Variants in ARHGAP21 observed in about 807,000 individuals in gnomAD.
The protein encoded by ARHGAP21 is rho GTPase-activating protein 21.
In ARHGAP21, 38 loss-of-function variants were observed where a neutral mutation model predicts 164.6. That is an observed-to-expected ratio of 0.23 (90% CI 0.18 to 0.30). The LOEUF (loss-of-function observed/expected upper bound fraction) is 0.30. Among genes scored for constraint, ARHGAP21 ranks in the 10% least tolerant of loss-of-function variants. The probability of loss-of-function intolerance (pLI) is 1.00; values close to 1 mark genes in which losing one functional copy is unlikely to be tolerated. For synonymous variants in ARHGAP21, 766 were observed against 857.9 expected (o/e 0.89, Z 1.87); for missense variants, 1,822 against 2,370.7 (o/e 0.77, Z 4.81).
At chr10:24,685,650 C>A (rs574681958) in intron 2 of ARHGAP21, among the ~76,000 whole-genome samples, 1 of 151,532 alleles carries the variant, frequency 6.6e-6, no homozygotes, top group Non-Finnish European at 1.5e-5. Context: ...CCGAGGTGGG[C>A]GGATCACTTG....
chr10:24,634,962 A>G lies in ARHGAP21; in HGVS notation c.361+49T>C, dbSNP rs371226336. 1.1e-5 allele frequency: 15 copies of G among 1,328,852 alleles called. No homozygotes were observed. The African/African-American group carries it at 1.6e-4, about 15-fold the overall frequency. The allele number at this position is 1,328,852 out of a possible 1,614,324, so 82.3% of individuals were successfully genotyped here. A position where few individuals can be genotyped will look rare whatever the true frequency, so the allele number is the denominator to read the frequency against. On this transcript the variant is annotated intron_variant, in intron 5 of 25. Coordinates refer to ENST00000396432, the MANE Select transcript of ARHGAP21 (RefSeq NM_020824.4). Reference sequence around the variant, plus strand: ...ATCGAACATGAAATATGGAAGAAATAAAGTGAAAAAGAAATTAAAACGTAT... The same window carrying G: ...ATCGAACATGAAATATGGAAGAAATGAAGTGAAAAAGAAATTAAAACGTAT...
intron 4 of ARHGAP21, among the ~76,000 whole-genome samples, chr10:24,659,928 G>C (rs745624273): frequency 6.6e-6 from 1 of 152,164 alleles, no homozygotes; most frequent in African/African-American, 2.4e-5. Context: ...CTGAAATATG[G>C]CGGTGATAAT....
intron 16 of ARHGAP21, 138 bp from the exon 17 acceptor site, chr10:24,597,020 AAT>A (rs998096765): frequency 4.4e-6 from 4 of 901,066 alleles, no homozygotes; most frequent in South Asian, 2.2e-5. Context: ...ATTTAACAAA[AAT>A]ATGTTCTCTT....
At chr10:24,634,834 C>A (rs909951281) in intron 5 of ARHGAP21, among the ~76,000 whole-genome samples, 177 bp downstream of exon 5, 2 of 152,020 alleles carry the variant, frequency 1.3e-5, no homozygotes, top group Admixed American at 6.6e-5. Context: ...CTGTTCAAAC[C>A]CATTCATATG....
chr10:24,590,831 A>G (rs1158431707), intron 24 of ARHGAP21: 41 of 984,192 alleles, frequency 4.2e-5, no homozygotes, highest in Non-Finnish European at 4.6e-5. Flanking sequence ...CTCAAGAATA[A>G]GAACTACTTA....
chr10:24,711,986 TCAC>T (rs1216359392), intron 2 of ARHGAP21, among the ~76,000 whole-genome samples: 2 of 152,128 alleles, frequency 1.3e-5, no homozygotes, highest in East Asian at 3.9e-4. Context: ...CCATCTGGGC[TCAC>T]CACAACCTCC....
chr10:24,670,205 CTA>C lies in ARHGAP21; in HGVS notation c.243+11_243+12del, dbSNP rs1840574648. 2.0e-6 allele frequency: 3 copies of C among 1,535,194 alleles called. No individual in the cohort carries two copies. The highest frequency in any genetic ancestry group is 8.8e-7 in the Non-Finnish European group (1 of 1,136,254). On this transcript the variant is annotated intron_variant, in intron 3 of 25. Transcript: ENST00000396432. ...TGGTTTTTTTTTCAAGTTGCGGTAA[CTA>C]TTTCTCTTACCTTATATGAAAATTG...
intron 2 of ARHGAP21, among the ~76,000 whole-genome samples, chr10:24,691,647 A>T (rs1016514417): frequency 1.3e-4 from 20 of 152,238 alleles, no homozygotes; most frequent in African/African-American, 4.8e-4. Context: ...TTCATAATTT[A>T]TGTCCTATAA....
chr10:24,601,297 C>G (rs2076803171), intron 13 of ARHGAP21, among the ~76,000 whole-genome samples: 1 of 152,200 alleles, frequency 6.6e-6, no homozygotes, highest in African/African-American at 2.4e-5. Flanking sequence ...TCTTAGAGCA[C>G]ACAAATGACA....
chr10:24,723,304 T>TGGCCGGCCGGACCCCAGCGCCCAC (rs1846114550), intron 1 of ARHGAP21: 1 of 150,826 alleles, frequency 6.6e-6, no homozygotes, highest in Admixed American at 6.6e-5. Flanking sequence ...CCTCCAAGGC[T>TGGCCGGCCGGACCCCAGCGCCCAC]GGCCGGCCGG....
chr10:24,692,212 G>A (rs999658451), intron 2 of ARHGAP21, among the ~76,000 whole-genome samples: 1 of 152,164 alleles, frequency 6.6e-6, no homozygotes, highest in Admixed American at 6.5e-5. Context: ...TAAAGCACCT[G>A]TAAGGTGCCA....
chr10:24,674,446 G>T (rs1039506757), intron 2 of ARHGAP21, among the ~76,000 whole-genome samples: 1 of 152,004 alleles, frequency 6.6e-6, no homozygotes, highest in Non-Finnish European at 1.5e-5. Flanking sequence ...GCTTGAACCA[G>T]GGAGGCGGAG....
At chr10:24,639,681 G>C (rs1398717657) in intron 4 of ARHGAP21, among the ~76,000 whole-genome samples, 1 of 152,024 alleles carries the variant, frequency 6.6e-6, no homozygotes, top group African/African-American at 2.4e-5. Context: ...AGTAAAAAGA[G>C]ATTATACTAA....
chr10:24,647,543 C>G (rs1837694324), intron 4 of ARHGAP21, among the ~76,000 whole-genome samples: 1 of 152,154 alleles, frequency 6.6e-6, no homozygotes. Flanking sequence ...AGGTTAGATA[C>G]TAACATAGTA....
At position 24,583,750 on chromosome 10, in the gene ARHGAP21, C is replaced by G. The variant is rs1392899448; in HGVS notation, c.*662G>C. 1 of 152,620 alleles carries G rather than the reference C, an allele frequency of 6.6e-6. No homozygotes were observed. Among genetic ancestry groups the G allele is most frequent in the African/African-American group, 2.4e-5 (1 of 41,444 alleles). The allele number at this position is 152,620 out of a possible 1,614,324, so 9.5% of individuals were successfully genotyped here. A position where few individuals can be genotyped will look rare whatever the true frequency, so the allele number is the denominator to read the frequency against. Reference sequence around the variant, plus strand: ...GCCAGTTCCATCCAGGATCCACTATCTACACACCTATGTTACAACATTATA... The same window carrying G: ...GCCAGTTCCATCCAGGATCCACTATGTACACACCTATGTTACAACATTATA... On this transcript the variant is annotated 3_prime_UTR_variant, in exon 26 of 26. Coordinates refer to ENST00000396432, the MANE Select transcript of ARHGAP21 (RefSeq NM_020824.4).
In ARHGAP21 at chr10:24,584,847, G is replaced by A. The variant is rs529447756; in HGVS notation, c.5442C>T (p.Ser1814=). 10 of 1,613,802 alleles carry A rather than the reference G, an allele frequency of 6.2e-6. No individual in the cohort carries two copies. The highest frequency in any genetic ancestry group is 5.3e-5 in the African/African-American group (4 of 74,896). The change falls in exon 26 of 26, where the codon AGC becomes AGT. Residue 1814 remains serine (S), a synonymous_variant. Coordinates refer to ENST00000396432, the MANE Select transcript of ARHGAP21 (RefSeq NM_020824.4). ...LGGHRDATEI[S]VLNFWKVHEQ... is the part of the protein sequence containing the mutation. ...CATGCACTTTCCAAAAATTCAAAAC[G>A]CTGATTTCGGTAGCATCTCTGTGCC...
chr10:24,587,643 G>T (rs2076159872), intron 25 of ARHGAP21, among the ~76,000 whole-genome samples: 1 of 152,196 alleles, frequency 6.6e-6, no homozygotes, highest in African/African-American at 2.4e-5. Flanking sequence ...AGGGGATAAT[G>T]GTTGTGACTG....
rs139703790 is a variant in ARHGAP21, at chr10:24,628,361, T to C, written c.495+1635A>G. 3.7e-4 allele frequency among the ~76,000 whole-genome samples: 57 copies of C among 152,358 alleles called. No individual in the cohort carries two copies. The East Asian group carries it at 0.01, about 28-fold the overall frequency. ...CTTGAAAACATGGGGTTAATCCCCA[T>C]GAGTTTCACTTAATTATAGTTTACA... On this transcript the variant is annotated intron_variant, in intron 7 of 25. Coordinates refer to ENST00000396432, the MANE Select transcript of ARHGAP21 (RefSeq NM_020824.4).
intron 2 of ARHGAP21, among the ~76,000 whole-genome samples, chr10:24,717,050 A>G (rs992239139): frequency 2.0e-5 from 3 of 152,234 alleles, no homozygotes; most frequent in African/African-American, 7.2e-5. Flanking sequence ...ATGTACACAT[A>G]AAGAAATATA....
Sources: allele counts gnomAD v4.1 joint callset (sites outside exome capture counted in the v4.1 genomes callset), GRCh38; gene constraint gnomAD v4.1.1; transcripts MANE v1.5; gene names NCBI Gene and HGNC (gene_info 2026-07-23, HGNC 2026-07-21).